CYP7B1: variants seen among roughly 807,000 people sequenced by gnomAD.
The protein encoded by CYP7B1 is cytochrome P450 family 7 subfamily B member 1.
In CYP7B1, 29 loss-of-function variants were observed where a neutral mutation model predicts 42.7. That is an observed-to-expected ratio of 0.68 (90% CI 0.51 to 0.93). CYP7B1 has a LOEUF of 0.93. CYP7B1 is among the 40% of genes least tolerant of loss of function. The pLI is 0.00. For missense variants in CYP7B1, 655 were observed against 600.5 expected (o/e 1.09, Z -0.95); for synonymous variants, 235 against 218.2 (o/e 1.08, Z -0.68).
At chr8:64,792,874 T>G (rs746848825) in intron 1 of CYP7B1, among the ~76,000 whole-genome samples, 1 of 152,162 alleles carries the variant, frequency 6.6e-6, no homozygotes, top group Non-Finnish European at 1.5e-5. Context: ...TTTTTTTTAA[T>G]GTAGGATGGA....
In CYP7B1 at chr8:64,593,890, A is replaced by G. The variant is rs116109129; in HGVS notation, c.*2752T>C. 3.8e-3 allele frequency among the ~76,000 whole-genome samples: 577 copies of G among 152,320 alleles called. 4 individuals are homozygous for G. Among genetic ancestry groups the G allele is most frequent in the African/African-American group, 0.013 (539 of 41,560 alleles). The stretch of plus-strand genomic sequence containing the variant: ...AAATAAGCAGCATATATGAAGAACA[A>G]AAGGGAATCGTAAAACTGAAAAATG... On this transcript the variant is annotated 3_prime_UTR_variant, in exon 6 of 6. Transcript: ENST00000310193.
intron 1 of CYP7B1, among the ~76,000 whole-genome samples, chr8:64,758,069 A>G (rs1192919480): frequency 2.6e-5 from 4 of 152,172 alleles, no homozygotes; most frequent in African/African-American, 9.7e-5. Flanking sequence ...CCTATGCACA[A>G]GCCTCTGCTT....
chr8:64,613,123 A>G (rs528342774), intron 4 of CYP7B1, among the ~76,000 whole-genome samples: 5 of 152,306 alleles, frequency 3.3e-5, no homozygotes, highest in African/African-American at 1.2e-4. Flanking sequence ...GTGATGAACC[A>G]TCCAGGCTGC....
intron 1 of CYP7B1, among the ~76,000 whole-genome samples, chr8:64,652,021 ATTG>A (rs1382895025): frequency 6.6e-6 from 1 of 152,214 alleles, no homozygotes; most frequent in Admixed American, 6.5e-5. Context: ...AATGATAGCT[ATTG>A]TTGTGAATCA....
chr8:64,678,640 C>G (rs1252933779), intron 1 of CYP7B1, among the ~76,000 whole-genome samples: 2 of 152,134 alleles, frequency 1.3e-5, no homozygotes, highest in Admixed American at 1.3e-4. Context: ...ACGGGTGCTC[C>G]TTGCCTGCTG....
chr8:64,780,741 C>T (rs187969260), intron 1 of CYP7B1, among the ~76,000 whole-genome samples: 23 of 152,198 alleles, frequency 1.5e-4, no homozygotes, highest in African/African-American at 5.3e-4. Context: ...AAACCTCCTA[C>T]AAGAAGTTGT....
intron 4 of CYP7B1, among the ~76,000 whole-genome samples, chr8:64,612,094 C>A (rs1805371905): frequency 6.6e-6 from 1 of 152,142 alleles, no homozygotes; most frequent in East Asian, 1.9e-4. Context: ...TTACTGCTTG[C>A]ATTATCTTTT....
chr8:64,768,525 A>T (rs1804151150), intron 1 of CYP7B1, among the ~76,000 whole-genome samples: 1 of 152,224 alleles, frequency 6.6e-6, no homozygotes, highest in Non-Finnish European at 1.5e-5. Flanking sequence ...TTCACTTAAT[A>T]ATTGATAAAC....
rs559064951 is a variant in CYP7B1, at chr8:64,774,522, G to A, written c.122+23944C>T. Among the ~76,000 whole-genome samples the A allele has an allele frequency of 4.6e-4, 69 of 150,198 alleles. 2 individuals carry two copies. The highest frequency in any genetic ancestry group is 1.6e-3 in the African/African-American group (66 of 40,192). ...CCTTGTGCAAGTCACAACTTCAGGG[G>A]ATCAAGTAAAAAAAAACTACATATA... On this transcript the variant is annotated intron_variant, in intron 1 of 5. Coordinates refer to ENST00000310193, the MANE Select transcript of CYP7B1 (RefSeq NM_004820.5).
intron 1 of CYP7B1, among the ~76,000 whole-genome samples, chr8:64,649,429 T>G (rs79531664): frequency 4.6e-5 from 7 of 152,252 alleles, no homozygotes; most frequent in Non-Finnish European, 7.3e-5. Context: ...TTTGTATGTA[T>G]GTACCATGTT....
At chr8:64,751,946 A>AT (rs149070575) in intron 1 of CYP7B1, among the ~76,000 whole-genome samples, 1 of 151,982 alleles carries the variant, frequency 6.6e-6, no homozygotes, top group African/African-American at 2.4e-5. Context: ...ATAAAAGTTT[A>AT]TTTTTTTTCC....
At chr8:64,665,530 C>CAGCATTTTA (rs916106462) in intron 1 of CYP7B1, among the ~76,000 whole-genome samples, 3 of 135,888 alleles carry the variant, frequency 2.2e-5, no homozygotes, top group Admixed American at 7.7e-5. Context: ...ACCTTTAGAG[C>CAGCATTTTA]AGCATTTTAA....
chr8:64,598,604 A>G (rs1333434930), intron 5 of CYP7B1, among the ~76,000 whole-genome samples: 3 of 152,218 alleles, frequency 2.0e-5, no homozygotes, highest in Admixed American at 1.3e-4. Context: ...GATATCATAA[A>G]TAAGCCAGAA....
chr8:64,722,176 CG>C (rs1351900200), intron 1 of CYP7B1, among the ~76,000 whole-genome samples: 1 of 152,110 alleles, frequency 6.6e-6, no homozygotes, highest in Non-Finnish European at 1.5e-5. Context: ...TTGCATCTTA[CG>C]CAGCAAAACT....
intron 4 of CYP7B1, among the ~76,000 whole-genome samples, chr8:64,611,344 T>C (rs895312525): frequency 6.6e-6 from 1 of 152,312 alleles, no homozygotes. Context: ...ATAATAGCTG[T>C]CACTGTCCTC....
chr8:64,664,497 G>A (rs113011240), intron 1 of CYP7B1, among the ~76,000 whole-genome samples: 451 of 152,264 alleles, frequency 3.0e-3, no homozygotes, highest in Non-Finnish European at 4.6e-3. Context: ...GAGAAACCAA[G>A]ACTTAGGAGA....
intron 1 of CYP7B1, among the ~76,000 whole-genome samples, chr8:64,670,637 T>C (rs1033876421): frequency 2.6e-5 from 4 of 152,086 alleles, no homozygotes; most frequent in Non-Finnish European, 5.9e-5. Context: ...AGCAGCACAT[T>C]CTCCCAAGAA....
chr8:64,652,761 G>A (rs563377348), intron 1 of CYP7B1, among the ~76,000 whole-genome samples: 71 of 152,126 alleles, frequency 4.7e-4, no homozygotes, highest in Admixed American at 2.0e-4. Context: ...GGAGAATGGC[G>A]TGAACCCGGG....
At chr8:64,624,951 C>G (rs1166572735) in intron 1 of CYP7B1, among the ~76,000 whole-genome samples, 1 of 54,022 alleles carries the variant, frequency 1.9e-5, no homozygotes, top group Non-Finnish European at 3.0e-5. Context: ...TTATATCATT[C>G]TTTTTTTTTT....
Sources: gnomAD v4.1 joint callset for allele counts (sites outside exome capture counted in the v4.1 genomes callset) on GRCh38, gnomAD v4.1.1 for gene constraint, MANE v1.5 for transcripts, NCBI Gene and HGNC (gene_info 2026-07-23, HGNC 2026-07-21) for gene names.